PRAP1: variants seen among roughly 807,000 people sequenced by gnomAD.
PRAP1 encodes proline rich acidic protein 1.
A neutral mutation model predicts 14.6 loss-of-function variants in PRAP1; 12 were observed. The observed-to-expected ratio is 0.82, with a 90% CI of 0.53 to 1.33. The LOEUF (loss-of-function observed/expected upper bound fraction) is 1.33. Among genes scored for constraint, PRAP1 ranks in the 40% most tolerant of loss-of-function variants. PRAP1 has a pLI of 0.00. For synonymous variants in PRAP1, 81 were observed against 80.3 expected, an observed-to-expected ratio of 1.01 and a Z score of -0.04; for missense variants, 160 against 193.7, an observed-to-expected ratio of 0.83 and a Z score of 1.03.
At position 133,347,402 on chromosome 10, in the gene PRAP1, G is replaced by C. The variant is rs1193840972; in HGVS notation, c.-16G>C. ...CAGCTCCCTGAGCACTCTCTACAGA[G>C]ACGCGGACCCCAGACATGAGGAGGT... On this transcript the variant is annotated 5_prime_UTR_variant, in exon 1 of 5. Coordinates refer to ENST00000433452, the MANE Select transcript of PRAP1 (RefSeq NM_145202.5). The surrounding 1 kb of genome is among the most constrained non-coding windows in gnomAD (Gnocchi z 5.0). 6.2e-7 allele frequency: 1 copy of C among 1,613,270 alleles called. No individual in the cohort carries two copies. The highest frequency in any genetic ancestry group is 8.5e-7 in the Non-Finnish European group (1 of 1,179,542).
In PRAP1 at chr10:133,352,097, CGAG is replaced by C. The variant is rs748536173; in HGVS notation, c.223_225del (p.Glu75del). The stretch of plus-strand genomic sequence containing the variant: ...TCCAGAAGCCGAAACTCTTGACCAC[CGAG>C]GAGAAGCCACGAGGTCAGGGCAGGG... On this transcript the variant is annotated inframe_deletion, in exon 4 of 5. Coordinates refer to ENST00000433452, the MANE Select transcript of PRAP1 (RefSeq NM_145202.5). The C allele has an allele frequency of 2.8e-4, 447 of 1,612,958 alleles. No homozygotes were observed. Among genetic ancestry groups the C allele is most frequent in the Non-Finnish European group, 3.5e-4 (408 of 1,180,006 alleles).
Position 133,351,534 on chromosome 10 carries a change from A to G in PRAP1, c.128+101A>G. 1 of 916,210 alleles carries G rather than the reference A, an allele frequency of 1.1e-6. No homozygotes were observed. The highest frequency in any genetic ancestry group is 1.7e-6 in the Non-Finnish European group (1 of 590,520). 56.8% of individuals were successfully genotyped at this position (916,210 alleles called of 1,614,324 possible). A position where few individuals can be genotyped will look rare whatever the true frequency, so the allele number is the denominator to read the frequency against. ...CCTGGAGAGCACGGGGCAGATGCAG[A>G]GAGGAGCCCTGTCCAGCAGCTTTTG... On this transcript the variant is annotated intron_variant, in intron 3 of 4. Transcript: ENST00000433452. The surrounding 1 kb of genome is among the most constrained non-coding windows in gnomAD (Gnocchi z 4.3).
At chr10:133,349,287 ACACACACATCCAC>A in intron 1 of PRAP1, among the ~76,000 whole-genome samples, 1 of 151,514 alleles carries the variant, frequency 6.6e-6, no homozygotes, top group African/African-American at 2.4e-5. Flanking sequence ...CACACAACAT[ACACACACATCCAC>A]CACACACAAA....
intron 1 of PRAP1, 99 bp from the exon 2 acceptor site, chr10:133,349,996 A>G: frequency 9.4e-7 from 1 of 1,060,746 alleles, no homozygotes; most frequent in Non-Finnish European, 1.4e-6. Context: ...CCCAAGGAGG[A>G]ACCCAGCCCA....
In PRAP1 at chr10:133,351,292, G is replaced by C; in HGVS notation, c.76-89G>C. The C allele has an allele frequency of 3.1e-6, 3 of 953,804 alleles. No individual in the cohort carries two copies. Among genetic ancestry groups the C allele is most frequent in the Non-Finnish European group, 4.8e-6 (3 of 621,416 alleles). The allele number at this position is 953,804 out of a possible 1,614,324, so 59.1% of individuals were successfully genotyped here. ...CCTGCAGCCACCTCCACCCCATGCA[G>C]CCCCAGGTGGGCCTCGGAGCAACCT... On this transcript the variant is annotated intron_variant, in intron 2 of 4. Coordinates refer to ENST00000433452, the MANE Select transcript of PRAP1 (RefSeq NM_145202.5). The surrounding 1 kb of genome is among the most constrained non-coding windows in gnomAD (Gnocchi z 4.3).
chr10:133,352,357 A>G lies in PRAP1; in HGVS notation c.373A>G (p.Arg125Gly). 1 of 1,613,076 alleles carries G rather than the reference A, an allele frequency of 6.2e-7. No homozygotes were observed. The highest frequency in any genetic ancestry group is 8.5e-7 in the Non-Finnish European group (1 of 1,179,978). ...GCCTGAGGAGGACCAGGGCGAGGAG[A>G]GGCCCCGGTTGTGGGTGATGCCAAA... The part of the protein sequence containing the change: ...PPPEEDQGEE[R>G]PRLWVMPNHQ... Residue 125 changes from arginine (R) to glycine (G), a missense_variant, in exon 5 of 5, where the codon AGG becomes GGG. Physicochemically the swap from Arg to Gly is moderately radical, Grantham distance 125 (BLOSUM62 -2). Transcript: ENST00000433452.
chr10:133,348,595 C>T (rs1848623180), intron 1 of PRAP1, among the ~76,000 whole-genome samples: 1 of 151,688 alleles, frequency 6.6e-6, no homozygotes, highest in Non-Finnish European at 1.5e-5. Context: ...CTCATTGAAA[C>T]CTCCACCTCC....
At position 133,351,524 on chromosome 10, in the gene PRAP1, G is replaced by T. The variant is rs1589867734; in HGVS notation, c.128+91G>T. 1 of 1,029,828 alleles carries T rather than the reference G, an allele frequency of 9.7e-7. No homozygotes were observed. The highest frequency in any genetic ancestry group is 2.6e-5 in the East Asian group (1 of 38,510). The allele number at this position is 1,029,828 out of a possible 1,614,324, so 63.8% of individuals were successfully genotyped here. ...CCTTCCTGAACCTGGAGAGCACGGG[G>T]CAGATGCAGAGAGGAGCCCTGTCCA... On this transcript the variant is annotated intron_variant, in intron 3 of 4. Coordinates refer to ENST00000433452, the MANE Select transcript of PRAP1 (RefSeq NM_145202.5). The surrounding 1 kb of genome is among the most constrained non-coding windows in gnomAD (Gnocchi z 4.3).
At position 133,351,280 on chromosome 10, in the gene PRAP1, C is replaced by A; in HGVS notation, c.76-101C>A. ...CTGCCCCCACCCCCTGCAGCCACCT[C>A]CACCCCATGCAGCCCCAGGTGGGCC... is the stretch of plus-strand genomic sequence containing the variant. On this transcript the variant is annotated intron_variant, in intron 2 of 4. Coordinates refer to ENST00000433452, the MANE Select transcript of PRAP1 (RefSeq NM_145202.5). The surrounding 1 kb of genome is among the most constrained non-coding windows in gnomAD (Gnocchi z 4.3). The A allele has an allele frequency of 2.5e-6, 2 of 807,228 alleles. No individual in the cohort carries two copies. The highest frequency in any genetic ancestry group is 4.1e-6 in the Non-Finnish European group (2 of 492,954). 50.0% of individuals were successfully genotyped at this position (807,228 alleles called of 1,614,324 possible).
chr10:133,348,241 A>C lies in PRAP1; in HGVS notation c.8+816A>C, dbSNP rs539776780. Reference sequence around the variant, plus strand: ...AGTGGGATTGGGGTCCAGTGCCCAGACAAGAGCCCCTGCCCAGCATCAGAA... The same window carrying C: ...AGTGGGATTGGGGTCCAGTGCCCAGCCAAGAGCCCCTGCCCAGCATCAGAA... On this transcript the variant is annotated intron_variant, in intron 1 of 4. Coordinates refer to ENST00000433452, the MANE Select transcript of PRAP1 (RefSeq NM_145202.5). 5.0e-3 allele frequency among the ~76,000 whole-genome samples: 766 copies of C among 152,220 alleles called. 6 individuals carry two copies. Among genetic ancestry groups the C allele is most frequent in the Non-Finnish European group, 6.8e-3 (464 of 67,982 alleles).
chr10:133,347,482 C>G lies in PRAP1; in HGVS notation c.8+57C>G. 1 of 1,560,482 alleles carries G rather than the reference C, an allele frequency of 6.4e-7. No individual in the cohort carries two copies. Among genetic ancestry groups the G allele is most frequent in the South Asian group, 1.2e-5 (1 of 83,694 alleles). On this transcript the variant is annotated intron_variant, in intron 1 of 4. Transcript: ENST00000433452. The surrounding 1 kb of genome is among the most constrained non-coding windows in gnomAD (Gnocchi z 5.0). ...ACCCCACCCAAACCTGGAGGCCTGG[C>G]CCTTAGCCAGAGGGGGCCCAGCTGT...
intron 1 of PRAP1, among the ~76,000 whole-genome samples, chr10:133,348,986 T>C (rs1848630358): frequency 6.6e-6 from 1 of 151,902 alleles, no homozygotes; most frequent in Non-Finnish European, 1.5e-5. Flanking sequence ...GCAGCCCTGC[T>C]GAGCCCTGTA....
intron 1 of PRAP1, among the ~76,000 whole-genome samples, chr10:133,349,345 C>T (rs549657093): frequency 3.3e-5 from 5 of 151,808 alleles, no homozygotes; most frequent in South Asian, 4.2e-4. Flanking sequence ...CACGCACCCC[C>T]GAACTCACAC....
In PRAP1 at chr10:133,352,433, C is replaced by T. The variant is rs1460804304; in HGVS notation, c.449C>T (p.Pro150Leu). The change falls in exon 5 of 5, where the codon CCC (proline) becomes CTC (leucine). Residue 150 changes from proline (P) to leucine (L), a missense_variant. Physicochemically the swap from Pro to Leu is moderately conservative, Grantham distance 98. Coordinates refer to ENST00000433452, the MANE Select transcript of PRAP1 (RefSeq NM_145202.5). ...GAAGACCAAGACCACATCTACCACC[C>T]CCAGTAGGGCTCCAGGGGCCATCAC... ...PEEDQDHIYH[P>L]Q 6.2e-7 allele frequency: 1 copy of T among 1,612,264 alleles called. No homozygotes were observed. The highest frequency in any genetic ancestry group is 8.5e-7 in the Non-Finnish European group (1 of 1,179,612).
In PRAP1 at chr10:133,347,508, G is replaced by C. The variant is rs1447027835; in HGVS notation, c.8+83G>C. ...CCTTAGCCAGAGGGGGCCCAGCTGT[G>C]CTGCGCTCCAGGGGGCCTGGTTCAG... On this transcript the variant is annotated intron_variant, in intron 1 of 4. Coordinates refer to ENST00000433452, the MANE Select transcript of PRAP1 (RefSeq NM_145202.5). This position sits in a 1 kb window ranked among gnomAD's most constrained non-coding sequence, Gnocchi z 5.0. 2 of 1,383,202 alleles carry C rather than the reference G, an allele frequency of 1.4e-6. No individual in the cohort carries two copies. Among genetic ancestry groups the C allele is most frequent in the African/African-American group, 2.9e-5 (2 of 70,104 alleles). The allele number at this position is 1,383,202 out of a possible 1,614,324, so 85.7% of individuals were successfully genotyped here.
rs565925204 is a variant in PRAP1 at position 133,350,412 on chromosome 10, G to C, written c.75+251G>C. ...GTCCTAGGTGGATGATGTGGGTCCA[G>C]ATGAGCCCACATGACCCCAGGTGGA... is the stretch of plus-strand genomic sequence containing the variant. On this transcript the variant is annotated intron_variant, in intron 2 of 4. Coordinates refer to ENST00000433452, the MANE Select transcript of PRAP1 (RefSeq NM_145202.5). Among the ~76,000 whole-genome samples, 14 of 152,204 alleles carry C rather than the reference G, an allele frequency of 9.2e-5. No homozygotes were observed. The South Asian group carries it at 2.7e-3, about 29-fold the overall frequency.
intron 1 of PRAP1, among the ~76,000 whole-genome samples, chr10:133,349,248 ACACACCCAAGCCCACACACTCCACAC>A (rs1848636643): frequency 6.6e-6 from 1 of 151,282 alleles, no homozygotes; most frequent in Non-Finnish European, 1.5e-5. Flanking sequence ...CAGCACACAC[ACACACCCAAGCCCACACACTCCACAC>A]CACACACAAC....
chr10:133,348,213 G>A (rs551225358), intron 1 of PRAP1, among the ~76,000 whole-genome samples: 35 of 152,274 alleles, frequency 2.3e-4, no homozygotes, highest in Non-Finnish European at 4.7e-4. Flanking sequence ...CAGGCAGCAC[G>A]GCAGTGGGAT....
chr10:133,349,425 G>A (rs534377350), intron 1 of PRAP1, among the ~76,000 whole-genome samples: 184 of 151,688 alleles, frequency 1.2e-3, no homozygotes, highest in African/African-American at 3.7e-3. Context: ...ACCCGAACAC[G>A]ACACCACCCA....
Sources: allele counts gnomAD v4.1 joint callset (sites outside exome capture counted in the v4.1 genomes callset), GRCh38; gene constraint gnomAD v4.1.1; non-coding constraint Gnocchi (gnomAD v3.1); transcripts MANE v1.5; gene names NCBI Gene and HGNC (gene_info 2026-07-23, HGNC 2026-07-21).